The following ROBO1 variants were observed in gnomAD, a reference collection of about 807,000 sequenced individuals.
ROBO1 encodes the protein roundabout guidance receptor 1, also known as roundabout homolog 1.
In ROBO1, 149 loss-of-function variants were observed where a neutral mutation model predicts 195.9. The ratio of observed to expected loss-of-function variants is 0.76; its 90% CI spans 0.67 to 0.87. ROBO1 has a LOEUF of 0.87. Among genes scored for constraint, ROBO1 ranks in the 40% least tolerant of loss-of-function variants. ROBO1 has a pLI of 0.00. For missense variants in ROBO1, 1,933 were observed against 2,068.3 expected, an observed-to-expected ratio of 0.93 and a Z score of 1.27; for synonymous variants, 816 against 733.2, an observed-to-expected ratio of 1.11 and a Z score of -1.82.
At chr3:79,020,444 C>A (rs1005660237) in intron 3 of ROBO1, among the ~76,000 whole-genome samples, 17 of 152,208 alleles carry the variant, frequency 1.1e-4, no homozygotes, top group African/African-American at 3.9e-4. Flanking sequence ...GTAATCTCAG[C>A]ACTTTGGGAG....
intron 2 of ROBO1, among the ~76,000 whole-genome samples, chr3:79,520,948 G>A (rs1030256764): frequency 9.9e-5 from 15 of 152,042 alleles, no homozygotes; most frequent in African/African-American, 3.4e-4. Context: ...TCAATGTAGA[G>A]ACAGACAATA....
At chr3:79,609,101 C>G (rs1307623813) in intron 1 of ROBO1, among the ~76,000 whole-genome samples, 1 of 151,834 alleles carries the variant, frequency 6.6e-6, no homozygotes, top group African/African-American at 2.4e-5. Flanking sequence ...CTTGGACTTA[C>G]CAGCTTCCAG....
At chr3:79,300,972 G>A (rs1312539391) in intron 2 of ROBO1, among the ~76,000 whole-genome samples, 1 of 152,006 alleles carries the variant, frequency 6.6e-6, no homozygotes, top group Non-Finnish European at 1.5e-5. Context: ...CACACCACTG[G>A]GCTCTACCAA....
At chr3:78,900,679 C>CAGAT (rs1196212655) in intron 4 of ROBO1, among the ~76,000 whole-genome samples, 4 of 151,990 alleles carry the variant, frequency 2.6e-5, no homozygotes, top group Non-Finnish European at 5.9e-5. Context: ...CTCAACTGTG[C>CAGAT]AGATGTTCAG....
intron 2 of ROBO1, among the ~76,000 whole-genome samples, chr3:79,572,319 C>A (rs1369360251): frequency 6.6e-6 from 1 of 151,932 alleles, no homozygotes; most frequent in Non-Finnish European, 1.5e-5. Flanking sequence ...ATAACACATC[C>A]TTTTTCTGAT....
intron 1 of ROBO1, among the ~76,000 whole-genome samples, chr3:79,607,098 C>CACACAT (rs1944511361): frequency 1.5e-5 from 2 of 135,154 alleles, no homozygotes; most frequent in African/African-American, 5.7e-5. Context: ...AAAACCTGCA[C>CACACAT]ACACACACAC....
At chr3:78,851,219 C>T (rs979581108) in intron 4 of ROBO1, among the ~76,000 whole-genome samples, 9 of 152,156 alleles carry the variant, frequency 5.9e-5, no homozygotes, top group Non-Finnish European at 1.3e-4. Context: ...AGAAGATAAA[C>T]AGGATGATTC....
intron 2 of ROBO1, among the ~76,000 whole-genome samples, chr3:79,411,111 G>T (rs1313260159): frequency 6.6e-6 from 1 of 152,092 alleles, no homozygotes; most frequent in Non-Finnish European, 1.5e-5. Flanking sequence ...GATAGACATA[G>T]GACTTCTAAA....
At chr3:79,429,756 C>A (rs961061307) in intron 2 of ROBO1, among the ~76,000 whole-genome samples, 1 of 152,098 alleles carries the variant, frequency 6.6e-6, no homozygotes, top group Non-Finnish European at 1.5e-5. Flanking sequence ...CATATCCCAC[C>A]AATTAAGTCT....
rs1412504741 is a variant in ROBO1, at chr3:78,880,972, T to C, written c.499+57629A>G. Among the ~76,000 whole-genome samples, 10 of 152,182 alleles carry C rather than the reference T, an allele frequency of 6.6e-5. No individual in the cohort carries two copies. The South Asian group carries it at 1.9e-3, about 28-fold the overall frequency. The stretch of plus-strand genomic sequence containing the variant: ...CTGGAATTACATGCTATTCTTTCAG[T>C]GGTCAGACCCTGATAGTTATGGACT... On this transcript the variant is annotated intron_variant, in intron 4 of 30. Coordinates refer to ENST00000464233, the MANE Select transcript of ROBO1 (RefSeq NM_002941.4).
At chr3:79,097,429 A>T (rs1455829) in intron 3 of ROBO1, among the ~76,000 whole-genome samples, 1 of 151,766 alleles carries the variant, frequency 6.6e-6, no homozygotes, top group African/African-American at 2.4e-5. Flanking sequence ...GTTTCAAGTA[A>T]TATAATTCAT....
intron 2 of ROBO1, among the ~76,000 whole-genome samples, chr3:79,338,253 C>A (rs1322199935): frequency 2.6e-5 from 4 of 152,146 alleles, no homozygotes; most frequent in Non-Finnish European, 5.9e-5. Context: ...AGATGACTAT[C>A]TTTAAATATT....
At chr3:79,528,437 C>T (rs1941523044) in intron 2 of ROBO1, among the ~76,000 whole-genome samples, 2 of 152,196 alleles carry the variant, frequency 1.3e-5, no homozygotes, top group Non-Finnish European at 2.9e-5. Context: ...TTTGCTTCAT[C>T]TGCATTTTTC....
intron 1 of ROBO1, among the ~76,000 whole-genome samples, chr3:79,646,651 T>C (rs141241661): frequency 1.7e-3 from 261 of 152,214 alleles, no homozygotes; most frequent in African/African-American, 6.0e-3. Flanking sequence ...AAATATGGAA[T>C]GAATCTAAGT....
intron 2 of ROBO1, among the ~76,000 whole-genome samples, chr3:79,454,470 C>T (rs1419306082): frequency 6.6e-6 from 1 of 152,068 alleles, no homozygotes; most frequent in Non-Finnish European, 1.5e-5. Flanking sequence ...ATGCAAGCAT[C>T]AGACACACAG....
At chr3:78,899,326 G>T (rs1385866416) in intron 4 of ROBO1, among the ~76,000 whole-genome samples, 1 of 152,086 alleles carries the variant, frequency 6.6e-6, no homozygotes, top group African/African-American at 2.4e-5. Flanking sequence ...TCATTGCAAA[G>T]AAAACAAACT....
intron 4 of ROBO1, among the ~76,000 whole-genome samples, chr3:78,860,600 T>C (rs2034773081): frequency 6.6e-6 from 1 of 152,088 alleles, no homozygotes; most frequent in South Asian, 2.1e-4. Flanking sequence ...TAACCACAGA[T>C]TGACATGGCT....
chr3:79,197,186 C>G (rs2081653702), intron 2 of ROBO1, among the ~76,000 whole-genome samples: 1 of 151,898 alleles, frequency 6.6e-6, no homozygotes, highest in African/African-American at 2.4e-5. Context: ...CTATCTCTCT[C>G]CCAGCACCCC....
At chr3:79,191,347 T>A (rs1218251738) in intron 2 of ROBO1, among the ~76,000 whole-genome samples, 1 of 151,438 alleles carries the variant, frequency 6.6e-6, no homozygotes, top group African/African-American at 2.4e-5. Flanking sequence ...CTCACTGTTT[T>A]AATATCAATG....
Sources: allele counts gnomAD v4.1 joint callset (sites outside exome capture counted in the v4.1 genomes callset), GRCh38; gene constraint gnomAD v4.1.1; transcripts MANE v1.5; gene names NCBI Gene and HGNC (gene_info 2026-07-23, HGNC 2026-07-21).